CACNA1C: variants seen among roughly 807,000 people sequenced by gnomAD.
CACNA1C encodes calcium voltage-gated channel subunit alpha1 C.
In CACNA1C, 30 loss-of-function variants were observed where a neutral mutation model predicts 229.0. That is an observed-to-expected ratio of 0.13 (90% CI 0.10 to 0.18). The LOEUF is 0.18. Ranked by LOEUF, CACNA1C falls within the 10% of genes least tolerant of loss-of-function variation. The pLI is 1.00. For missense variants in CACNA1C, 1,658 were observed against 2,845.0 expected (o/e 0.58, Z 9.49); for synonymous variants, 1,114 against 1,132.5 (o/e 0.98, Z 0.33).
intron 1 of CACNA1C, among the ~76,000 whole-genome samples, chr12:2,013,044 A>T (rs2044705082): frequency 6.6e-6 from 1 of 152,236 alleles, no homozygotes; most frequent in Admixed American, 6.5e-5. Context: ...AAACCTAGCC[A>T]TAGTGGCATA....
intron 1 of CACNA1C, among the ~76,000 whole-genome samples, chr12:2,000,782 A>T (rs2042006067): frequency 1.3e-5 from 2 of 152,176 alleles, no homozygotes. Context: ...CACGCCTGTA[A>T]CCCCAGCACT....
intron 3 of CACNA1C, among the ~76,000 whole-genome samples, chr12:2,172,136 A>G (rs11838273): frequency 0.014 from 2,153 of 152,282 alleles, 43 homozygotes; most frequent in African/African-American, 0.048. Flanking sequence ...GTGCCACCCT[A>G]ACGACTGCAG....
chr12:2,081,016 T>G (rs1372922452), intron 1 of CACNA1C, among the ~76,000 whole-genome samples: 7 of 152,186 alleles, frequency 4.6e-5, no homozygotes, highest in Non-Finnish European at 7.4e-5. Flanking sequence ...GATTTTTAGA[T>G]TATACCAGCA....
intron 3 of CACNA1C, among the ~76,000 whole-genome samples, chr12:2,414,419 C>A (rs1456028308): frequency 3.3e-5 from 5 of 152,176 alleles, no homozygotes; most frequent in Non-Finnish European, 7.3e-5. Flanking sequence ...CAGACACCAG[C>A]TTCCCGTGGA....
intron 34 of CACNA1C, 120 bp from the exon 35 acceptor site, chr12:2,664,705 A>G (rs1274807694): frequency 2.9e-6 from 2 of 696,232 alleles, no homozygotes; most frequent in Admixed American, 6.4e-5. Context: ...ATGAACATCA[A>G]GTTCATTTTA....
chr12:2,661,270 T>TACAC (rs571791344), intron 34 of CACNA1C, among the ~76,000 whole-genome samples: 3,873 of 131,008 alleles, frequency 0.03, 71 homozygotes, highest in East Asian at 0.095. Context: ...TCTAAACACA[T>TACAC]ACACACACAT....
In CACNA1C at chr12:2,512,846, C is replaced by A. The variant is rs1048097008; in HGVS notation, c.1252C>A (p.Arg418=). The change falls in exon 9 of 47, where the codon CGG becomes AGG. Residue 418 remains arginine (R), a synonymous_variant. Coordinates refer to ENST00000399655, the MANE Select transcript of CACNA1C (RefSeq NM_000719.7). This position sits in a 1 kb window ranked among gnomAD's most constrained non-coding sequence, Gnocchi z 4.3. ...FSKEREKAKA[R]GDFQKLREKQ... ...CAAAGAGAGGGAGAAGGCCAAGGCC[C>A]GGGGAGATTTCCAGAAGCTGCGGGA... 1.2e-6 allele frequency: 2 copies of A among 1,612,910 alleles called. No individual in the cohort carries two copies. Among genetic ancestry groups the A allele is most frequent in the African/African-American group, 2.7e-5 (2 of 74,826 alleles).
Position 2,695,105 on chromosome 12 carries a change from T to G in CACNA1C, c.*3906T>G, listed in dbSNP as rs1176414355. 1 of 152,198 alleles carries G rather than the reference T, an allele frequency of 6.6e-6. No homozygotes were observed. Among genetic ancestry groups the G allele is most frequent in the Non-Finnish European group, 1.5e-5 (1 of 68,042 alleles). The allele number at this position is 152,198 out of a possible 1,614,324, so 9.4% of individuals were successfully genotyped here. A position where few individuals can be genotyped will look rare whatever the true frequency, so the allele number is the denominator to read the frequency against. ...CCCAGGGGAGGCAAATACTTGCTGA[T>G]GGAGTCTGGGCCGTTTCCATATTTT... On this transcript the variant is annotated 3_prime_UTR_variant, in exon 47 of 47. Coordinates refer to ENST00000399655, the MANE Select transcript of CACNA1C (RefSeq NM_000719.7).
chr12:2,251,314 G>A (rs562066023), intron 3 of CACNA1C, among the ~76,000 whole-genome samples: 1 of 152,296 alleles, frequency 6.6e-6, no homozygotes, highest in East Asian at 1.9e-4. Flanking sequence ...ATGAGGGCAG[G>A]CGGTCAATGG....
intron 3 of CACNA1C, among the ~76,000 whole-genome samples, chr12:2,257,120 TCAGA>T (rs1197742022): frequency 7.2e-5 from 11 of 152,284 alleles, no homozygotes; most frequent in African/African-American, 1.4e-4. Flanking sequence ...CATCCAGCAC[TCAGA>T]CAGTCACAGA....
At chr12:2,175,797 A>C (rs1462396913) in intron 3 of CACNA1C, among the ~76,000 whole-genome samples, 11 of 152,230 alleles carry the variant, frequency 7.2e-5, no homozygotes, top group Admixed American at 7.2e-4. Flanking sequence ...TGTGGCAGAA[A>C]AAGCAGGACA....
At chr12:2,004,497 G>T in intron 1 of CACNA1C, 1 of 1,526,208 alleles carries the variant, frequency 6.6e-7, no homozygotes, top group Non-Finnish European at 8.8e-7. Context: ...CGCAGAACGA[G>T]CGAGCTGCCT....
intron 1 of CACNA1C, among the ~76,000 whole-genome samples, chr12:2,098,895 C>T (rs2075317794): frequency 6.6e-6 from 1 of 152,196 alleles, no homozygotes; most frequent in Non-Finnish European, 1.5e-5. Flanking sequence ...GGTGTGGTAT[C>T]ATCTCAGTTT....
intron 7 of CACNA1C, among the ~76,000 whole-genome samples, chr12:2,502,383 T>C (rs1324698946): frequency 1.3e-5 from 2 of 152,228 alleles, no homozygotes; most frequent in African/African-American, 4.8e-5. Context: ...CATTCTAGCA[T>C]GGAAGACAAA....
chr12:2,553,152 G>A (rs1056826301), intron 10 of CACNA1C, among the ~76,000 whole-genome samples: 1 of 152,160 alleles, frequency 6.6e-6, no homozygotes, highest in Admixed American at 6.5e-5. Context: ...TGGGATCTTG[G>A]CCAAAGCACT....
At chr12:1,988,639 A>G (rs2038490130) in intron 1 of CACNA1C, among the ~76,000 whole-genome samples, 1 of 152,076 alleles carries the variant, frequency 6.6e-6, no homozygotes, top group African/African-American at 2.4e-5. Flanking sequence ...TAATTTTTTT[A>G]CTGTCATTTC....
rs557907804 is a variant in CACNA1C at position 2,584,406 on chromosome 12, G to A, written c.2225-97G>A. On this transcript the variant is annotated intron_variant, in intron 15 of 46. Transcript: ENST00000399655. ...GCTTCCCCCTCAAGCTCTCTCTGCT[G>A]AGGAGCTCTACCCTGCACGCCCCAC... 123 of 787,848 alleles carry A rather than the reference G, an allele frequency of 1.6e-4. 1 individual carries two copies. The African/African-American group carries it at 1.7e-3, about 11-fold the overall frequency. 48.8% of individuals were successfully genotyped at this position (787,848 alleles called of 1,614,324 possible).
chr12:2,592,334 T>A (rs1376364217), intron 18 of CACNA1C, among the ~76,000 whole-genome samples: 1 of 152,234 alleles, frequency 6.6e-6, no homozygotes, highest in Non-Finnish European at 1.5e-5. Flanking sequence ...GTACTGTTAT[T>A]ATTATTCCAC....
At chr12:2,020,348 C>T (rs2046220273) in intron 1 of CACNA1C, 1 of 152,132 alleles carries the variant, frequency 6.6e-6, no homozygotes, top group South Asian at 2.1e-4. Flanking sequence ...CCAGTGTCAC[C>T]CCTGGTAGCT....
Sources: allele counts gnomAD v4.1 joint callset (sites outside exome capture counted in the v4.1 genomes callset), GRCh38; gene constraint gnomAD v4.1.1; non-coding constraint Gnocchi (gnomAD v3.1); transcripts MANE v1.5; gene names NCBI Gene and HGNC (gene_info 2026-07-23, HGNC 2026-07-21).